CCDC138: variants seen among roughly 807,000 people sequenced by gnomAD.
CCDC138 encodes the protein coiled-coil domain-containing protein 138.
A neutral mutation model predicts 82.3 loss-of-function variants in CCDC138; 66 were observed. The observed-to-expected ratio is 0.80, with a 90% CI of 0.66 to 0.98. The LOEUF (loss-of-function observed/expected upper bound fraction) is 0.98, where lower values mean the gene tolerates loss of function less well. CCDC138 is among the 50% of genes least tolerant of loss of function. The probability of loss-of-function intolerance (pLI) is 0.00; values close to 1 mark genes in which losing one functional copy is unlikely to be tolerated. For missense variants in CCDC138, 816 were observed against 758.9 expected (o/e 1.08, Z -0.88); for synonymous variants, 297 against 265.4 (o/e 1.12, Z -1.16).
intron 7 of CCDC138, among the ~76,000 whole-genome samples, chr2:108,807,724 T>C (rs929122534): frequency 2.0e-5 from 3 of 152,142 alleles, no homozygotes; most frequent in Admixed American, 1.3e-4. Context: ...CTCAAGCGAT[T>C]CTCCTGCCTC....
At chr2:108,813,765 A>G (rs1684298864) in intron 9 of CCDC138, among the ~76,000 whole-genome samples, 1 of 152,200 alleles carries the variant, frequency 6.6e-6, no homozygotes, top group African/African-American at 2.4e-5. Flanking sequence ...CCACTATCCT[A>G]GAAAGTTCTC....
chr2:108,853,863 A>AT, intron 12 of CCDC138, among the ~76,000 whole-genome samples: 1 of 128,364 alleles, frequency 7.8e-6, no homozygotes, highest in East Asian at 2.0e-4. Context: ...TATATATATA[A>AT]TATATATACT....
chr2:108,788,029 T>TA lies in CCDC138; in HGVS notation c.94-2dup, dbSNP rs35693674. 2.6e-6 allele frequency: 4 copies of TA among 1,530,274 alleles called. No homozygotes were observed. The highest frequency in any genetic ancestry group is 2.1e-4 in the Middle Eastern group (1 of 4,724). The allele number at this position is 1,530,274 out of a possible 1,614,324, so 94.8% of individuals were successfully genotyped here. On this transcript the variant is annotated splice_region_variant and splice_polypyrimidine_tract_variant and intron_variant, in intron 1 of 14. Transcript: ENST00000295124. Reference sequence around the variant, plus strand: ...AAATTAAATCTTTTCTTTTTTTTTTTAGTATGATTTTTCAAATTTTTATCA... The same window carrying TA: ...AAATTAAATCTTTTCTTTTTTTTTTTAAGTATGATTTTTCAAATTTTTATCA...
At chr2:108,811,247 C>CTCTTTTTTTTTTTTTTTTTT (rs760937756) in intron 7 of CCDC138, among the ~76,000 whole-genome samples, 6 of 113,900 alleles carry the variant, frequency 5.3e-5, no homozygotes, top group East Asian at 2.4e-4. Flanking sequence ...TTCTCTCTCT[C>CTCTTTTTTTTTTTTTTTTTT]TTTTTTTTTT....
chr2:108,794,442 A>G, intron 4 of CCDC138, 98 bp from the exon 5 acceptor site: 2 of 1,100,756 alleles, frequency 1.8e-6, no homozygotes, highest in Non-Finnish European at 2.5e-6. Flanking sequence ...TTAATGTTAT[A>G]TTTTGTACTT....
intron 12 of CCDC138, among the ~76,000 whole-genome samples, chr2:108,849,985 G>A (rs79301617): frequency 0.041 from 6,259 of 152,264 alleles, 434 homozygotes; most frequent in African/African-American, 0.14. Context: ...AGGATGCATG[G>A]GCCAGTGAAT....
intron 10 of CCDC138, among the ~76,000 whole-genome samples, chr2:108,817,729 C>A (rs1360460626): frequency 1.3e-5 from 2 of 152,164 alleles, no homozygotes; most frequent in African/African-American, 4.8e-5. Context: ...CCCTTAGCCT[C>A]CAGAAAGGAA....
chr2:108,788,276 C>T (rs1679260552), intron 2 of CCDC138, among the ~76,000 whole-genome samples, 187 bp downstream of exon 2: 1 of 151,600 alleles, frequency 6.6e-6, no homozygotes, highest in Non-Finnish European at 1.5e-5. Context: ...AAAAATTAGC[C>T]GAGCATGGTG....
chr2:108,840,485 T>G (rs1470255333), intron 11 of CCDC138, among the ~76,000 whole-genome samples: 5 of 152,186 alleles, frequency 3.3e-5, no homozygotes, highest in Admixed American at 2.0e-4. Context: ...GGTTTTAAAT[T>G]ATGAATTTAA....
At chr2:108,835,715 T>C (rs748123059) in intron 10 of CCDC138, among the ~76,000 whole-genome samples, 50 of 152,334 alleles carry the variant, frequency 3.3e-4, no homozygotes, top group Non-Finnish European at 4.9e-4. Flanking sequence ...TATATTCACA[T>C]TGTCCTTCAA....
chr2:108,800,169 C>T (rs1438451326), intron 6 of CCDC138, among the ~76,000 whole-genome samples: 1 of 152,142 alleles, frequency 6.6e-6, no homozygotes, highest in Admixed American at 6.6e-5. Flanking sequence ...TCAAGACCTT[C>T]TGGTTAATGC....
intron 3 of CCDC138, among the ~76,000 whole-genome samples, chr2:108,790,861 C>T (rs1453160537): frequency 1.3e-5 from 2 of 152,166 alleles, no homozygotes; most frequent in Non-Finnish European, 1.5e-5. Context: ...AAACGATCCT[C>T]TCACCTCAGG....
intron 6 of CCDC138, among the ~76,000 whole-genome samples, chr2:108,803,067 A>G (rs955357338): frequency 6.6e-6 from 1 of 152,236 alleles, no homozygotes; most frequent in Non-Finnish European, 1.5e-5. Flanking sequence ...CTTGGGTAAC[A>G]GTTTAAAATC....
At chr2:108,872,602 C>T (rs571794444) in intron 13 of CCDC138, among the ~76,000 whole-genome samples, 20 of 152,110 alleles carry the variant, frequency 1.3e-4, no homozygotes, top group Non-Finnish European at 2.5e-4. Flanking sequence ...AATCCAGTAT[C>T]AAGATGCTGG....
chr2:108,861,777 G>T (rs1206231580), intron 13 of CCDC138, among the ~76,000 whole-genome samples: 1 of 150,474 alleles, frequency 6.6e-6, no homozygotes, highest in Non-Finnish European at 1.5e-5. Context: ...CACCGCGCCC[G>T]GCCTAAACCT....
intron 12 of CCDC138, among the ~76,000 whole-genome samples, chr2:108,849,276 G>A (rs1485743698): frequency 1.3e-5 from 2 of 152,200 alleles, no homozygotes. Flanking sequence ...TATGAAGAGG[G>A]GAGACAAAAA....
At chr2:108,855,561 TTAA>T (rs1202453366) in intron 12 of CCDC138, among the ~76,000 whole-genome samples, 3 of 152,202 alleles carry the variant, frequency 2.0e-5, no homozygotes, top group African/African-American at 7.2e-5. Context: ...TTTGTTTAAC[TTAA>T]TACACATTTA....
intron 13 of CCDC138, among the ~76,000 whole-genome samples, chr2:108,867,252 A>G (rs2105032659): frequency 1.3e-5 from 2 of 152,340 alleles, no homozygotes; most frequent in South Asian, 4.1e-4. Flanking sequence ...GAAGAGGTGG[A>G]CACAAGAGAG....
intron 5 of CCDC138, among the ~76,000 whole-genome samples, chr2:108,795,074 T>C (rs575088651): frequency 1.3e-5 from 2 of 152,174 alleles, no homozygotes; most frequent in East Asian, 3.9e-4. Context: ...AAAAGTCTTC[T>C]TGTCAACTCT....
Sources: allele counts gnomAD v4.1 joint callset (sites outside exome capture counted in the v4.1 genomes callset), GRCh38; gene constraint gnomAD v4.1.1; transcripts MANE v1.5; gene names NCBI Gene and HGNC (gene_info 2026-07-23, HGNC 2026-07-21).